HPGD: variants seen among roughly 807,000 people sequenced by gnomAD.
HPGD encodes the protein 15-hydroxyprostaglandin dehydrogenase [NAD(+)].
A neutral mutation model predicts 30.0 loss-of-function variants in HPGD; 29 were observed. That is an observed-to-expected ratio of 0.97 (90% CI 0.72 to 1.32). HPGD has a LOEUF of 1.32. HPGD is among the 40% of genes most tolerant of loss of function. The pLI, the probability that HPGD is intolerant of heterozygous loss-of-function variation, is 0.00. For missense variants in HPGD, 340 were observed against 322.1 expected (o/e 1.06, Z -0.43); for synonymous variants, 99 against 112.4 (o/e 0.88, Z 0.75).
chr4:174,522,529 G>T, upstream of HPGD: 1 of 1,099,720 alleles, frequency 9.1e-7, no homozygotes. Context: ...CCCCCTGCGC[G>T]CGCGCGCGTG....
chr4:174,496,885 G>A lies in HPGD; in HGVS notation c.422-1261C>T, dbSNP rs972309250. On this transcript the variant is annotated intron_variant, in intron 4 of 6. Coordinates refer to ENST00000296522, the MANE Select transcript of HPGD (RefSeq NM_000860.6). The surrounding 1 kb of genome is among the most constrained non-coding windows in gnomAD (Gnocchi z 4.6). ...CCCTGAGGATGGTAGATCACACCTA[G>A]TGTGTCCACCCAATGATTTCAAAGT... Among the ~76,000 whole-genome samples, 10 of 152,206 alleles carry A rather than the reference G, an allele frequency of 6.6e-5. No homozygotes were observed. The highest frequency in any genetic ancestry group is 2.1e-4 in the South Asian group (1 of 4,828).
intron 2 of HPGD, among the ~76,000 whole-genome samples, chr4:174,521,486 T>C (rs761761672): frequency 1.1e-4 from 17 of 152,224 alleles, no homozygotes; most frequent in South Asian, 2.1e-4. Flanking sequence ...CTAGCACTTC[T>C]GTGATGATGC....
At chr4:174,517,282 TCACA>T (rs45548335) in intron 3 of HPGD, among the ~76,000 whole-genome samples, 1 of 151,974 alleles carries the variant, frequency 6.6e-6, no homozygotes, top group Non-Finnish European at 1.5e-5. Flanking sequence ...ATTATGGAAA[TCACA>T]CACACACACG....
chr4:174,504,048 G>T (rs573203078), intron 4 of HPGD, among the ~76,000 whole-genome samples: 22 of 152,232 alleles, frequency 1.4e-4, no homozygotes, highest in African/African-American at 5.3e-4. Context: ...AACAGTTTAT[G>T]TCATGGAAAT....
chr4:174,521,983 A>G lies in HPGD; in HGVS notation c.178T>C (p.Phe60Leu). 1 of 1,614,134 alleles carries G rather than the reference A, an allele frequency of 6.2e-7. No homozygotes were observed. The change falls in exon 2 of 7, where the codon TTC (phenylalanine) becomes CTC (leucine). Residue 60 changes from phenylalanine (F) to leucine (L), a missense_variant. Transcript: ENST00000296522. ...TGGTCAGCCACATCGCACTGGATGA[A>G]CAGAGTCTTCTGAGGTTCAAACTGC... ...DEQFEPQKTL[F>L]IQCDVADQQQ...
chr4:174,495,812 C>G lies in HPGD; in HGVS notation c.422-188G>C, dbSNP rs145422863. The stretch of plus-strand genomic sequence containing the variant: ...TAAGTGTAGTTTATTTGCTCCATGA[C>G]CCGTGTCGTCCAGAATTTATAGTAG... On this transcript the variant is annotated intron_variant, in intron 4 of 6. Coordinates refer to ENST00000296522, the MANE Select transcript of HPGD (RefSeq NM_000860.6). The G allele has an allele frequency of 4.9e-6, 3 of 613,152 alleles. No homozygotes were observed. In the African/African-American group the frequency reaches 5.5e-5, roughly 11 times the overall value. 38.0% of individuals were successfully genotyped at this position (613,152 alleles called of 1,614,324 possible).
chr4:174,503,052 C>G (rs1366800792), intron 4 of HPGD, among the ~76,000 whole-genome samples: 1 of 152,190 alleles, frequency 6.6e-6, no homozygotes, highest in Non-Finnish European at 1.5e-5. Context: ...CTCAGTAGCC[C>G]TCTCATTCCT....
At chr4:174,505,679 TG>T (rs1322718588) in intron 4 of HPGD, among the ~76,000 whole-genome samples, 59 of 152,066 alleles carry the variant, frequency 3.9e-4, no homozygotes, top group Non-Finnish European at 7.5e-4. Flanking sequence ...GGCATGTTAG[TG>T]GGAGCCCTGG....
rs778620665 is a variant in HPGD at position 174,522,263 on chromosome 4, C to T, written c.93+96G>A. On this transcript the variant is annotated intron_variant, in intron 1 of 6. Transcript: ENST00000296522. ...GAAGTGGCAAAGTGGGCACGCCGGG[C>T]GCGGCCTCCCTGTCTCCGCCAGTGC... The T allele has an allele frequency of 7.3e-6, 10 of 1,363,148 alleles. No individual in the cohort carries two copies. In the African/African-American group the frequency reaches 1.3e-4, roughly 18 times the overall value. 84.4% of individuals were successfully genotyped at this position (1,363,148 alleles called of 1,614,324 possible).
intron 4 of HPGD, among the ~76,000 whole-genome samples, chr4:174,506,111 G>A (rs956874993): frequency 3.9e-5 from 6 of 152,140 alleles, no homozygotes; most frequent in Non-Finnish European, 7.3e-5. Context: ...GGGAGGTGGC[G>A]GTGAGCGGGA....
At chr4:174,507,600 A>G (rs1735251758) in intron 4 of HPGD, 1 of 152,250 alleles carries the variant, frequency 6.6e-6, no homozygotes, top group Admixed American at 6.5e-5. Context: ...ACTAAAACCA[A>G]ACAGATAATT....
chr4:174,519,415 G>A (rs939132087), intron 2 of HPGD, among the ~76,000 whole-genome samples: 2 of 152,036 alleles, frequency 1.3e-5, no homozygotes, highest in East Asian at 1.9e-4. Context: ...GGGTTTCACC[G>A]TGTTAGCCAG....
chr4:174,521,119 G>T (rs889723001), intron 2 of HPGD, among the ~76,000 whole-genome samples: 30 of 150,952 alleles, frequency 2.0e-4, no homozygotes, highest in African/African-American at 7.3e-4. Context: ...CAGTCTCTTT[G>T]AATAAAACTT....
chr4:174,498,672 C>T (rs897016205), intron 4 of HPGD, among the ~76,000 whole-genome samples: 1 of 151,444 alleles, frequency 6.6e-6, no homozygotes, highest in African/African-American at 2.4e-5. Flanking sequence ...AAGGAACATT[C>T]TATTTTTTTC....
intron 2 of HPGD, among the ~76,000 whole-genome samples, chr4:174,519,370 C>T (rs973500842): frequency 5.9e-5 from 9 of 152,018 alleles, no homozygotes; most frequent in African/African-American, 2.2e-4. Context: ...CCCACCACCA[C>T]GCCCGGCTAA....
chr4:174,518,876 G>A (rs976246065), intron 2 of HPGD, among the ~76,000 whole-genome samples: 1 of 152,002 alleles, frequency 6.6e-6, no homozygotes, highest in African/African-American at 2.4e-5. Context: ...GTTTCCCCGG[G>A]CCTTTGATCA....
intron 4 of HPGD, among the ~76,000 whole-genome samples, chr4:174,503,195 T>C (rs1411976622): frequency 4.6e-5 from 7 of 152,166 alleles, no homozygotes; most frequent in Admixed American, 3.9e-4. Context: ...AAATGGACTC[T>C]GCAGAGTCCA....
rs1734294667 is a variant in HPGD, at chr4:174,490,618, G to A, written c.*1338C>T. ...CTTTAATACATTATATGAAAATCTAGACCAGAGTTATTAATATTCAAATTA... is the reference window on the plus strand; with the variant it reads ...CTTTAATACATTATATGAAAATCTAAACCAGAGTTATTAATATTCAAATTA... On this transcript the variant is annotated 3_prime_UTR_variant, in exon 7 of 7. Coordinates refer to ENST00000296522, the MANE Select transcript of HPGD (RefSeq NM_000860.6). The surrounding 1 kb of genome is among the most constrained non-coding windows in gnomAD (Gnocchi z 4.4). The A allele has an allele frequency of 6.6e-6, 1 of 152,290 alleles. No individual in the cohort carries two copies. Among genetic ancestry groups the A allele is most frequent in the Admixed American group, 6.5e-5 (1 of 15,272 alleles). The allele number at this position is 152,290 out of a possible 1,614,324, so 9.4% of individuals were successfully genotyped here. A position where few individuals can be genotyped will look rare whatever the true frequency, so the allele number is the denominator to read the frequency against.
chr4:174,511,604 T>C (rs545849812), intron 3 of HPGD, among the ~76,000 whole-genome samples: 1 of 152,330 alleles, frequency 6.6e-6, no homozygotes, highest in South Asian at 2.1e-4. Flanking sequence ...TGAGTGTTGA[T>C]AGTTTTGCAA....
Sources: gnomAD v4.1 joint callset for allele counts (sites outside exome capture counted in the v4.1 genomes callset) on GRCh38, gnomAD v4.1.1 for gene constraint, Gnocchi (gnomAD v3.1) non-coding constraint, MANE v1.5 for transcripts, NCBI Gene and HGNC (gene_info 2026-07-23, HGNC 2026-07-21) for gene names.